The following TRAPPC9 variants were observed in gnomAD, a reference collection of about 807,000 sequenced individuals.
The protein encoded by TRAPPC9 is IKK2 binding protein.
In TRAPPC9, 83 loss-of-function variants were observed where a neutral mutation model predicts 124.0. The ratio of observed to expected loss-of-function variants is 0.67; its 90% confidence interval spans 0.56 to 0.80. The LOEUF (loss-of-function observed/expected upper bound fraction) is 0.80. TRAPPC9 is among the 30% of genes least tolerant of loss of function. The pLI, the probability that TRAPPC9 is intolerant of heterozygous loss-of-function variation, is 0.00. For synonymous variants in TRAPPC9, 638 were observed against 617.5 expected (o/e 1.03, Z -0.49); for missense variants, 1,302 against 1,508.3 (o/e 0.86, Z 2.27).
upstream of TRAPPC9, chr8:140,458,237 G>A (rs751035660): frequency 1.3e-6 from 2 of 1,551,044 alleles, no homozygotes; most frequent in South Asian, 1.2e-5. Context: ...TGCACCTGGG[G>A]CGGCGCAGCT....
At chr8:139,852,091 G>A (rs1039469346) in intron 21 of TRAPPC9, among the ~76,000 whole-genome samples, 16 of 152,144 alleles carry the variant, frequency 1.1e-4, no homozygotes, top group African/African-American at 3.1e-4. Flanking sequence ...TAGTGAGTAC[G>A]TCTCATGAGA....
intron 18 of TRAPPC9, among the ~76,000 whole-genome samples, chr8:139,989,236 T>G (rs1450324471): frequency 6.6e-6 from 1 of 152,232 alleles, no homozygotes; most frequent in Non-Finnish European, 1.5e-5. Flanking sequence ...TCAAGGATGC[T>G]GTGTCCAAGC....
chr8:140,059,008 T>C (rs1232036877), intron 17 of TRAPPC9, among the ~76,000 whole-genome samples: 2 of 152,198 alleles, frequency 1.3e-5, no homozygotes, highest in Non-Finnish European at 2.9e-5. Context: ...CAATAAAACA[T>C]ACATATTTAA....
chr8:139,732,209 G>C lies in TRAPPC9; in HGVS notation c.3056-7C>G. On this transcript the variant is annotated splice_region_variant and splice_polypyrimidine_tract_variant and intron_variant, in intron 21 of 22. Transcript: ENST00000438773. ...TGTCCGTCCACCAGCACATCTGTAA[G>C]GGACACGAGACTGTCGGGGGCTGGG... is the stretch of plus-strand genomic sequence containing the variant. 1 of 1,579,262 alleles carries C rather than the reference G, an allele frequency of 6.3e-7. No homozygotes were observed. Among genetic ancestry groups the C allele is most frequent in the Non-Finnish European group, 8.6e-7 (1 of 1,169,398 alleles).
At chr8:139,739,014 C>T (rs6578042) in intron 21 of TRAPPC9, among the ~76,000 whole-genome samples, 125,077 of 152,168 alleles carry the variant, frequency 0.82, 51,725 homozygotes, top group East Asian at 0.89. Flanking sequence ...TGAAACCCAA[C>T]GCGCCCCAGG....
intron 21 of TRAPPC9, among the ~76,000 whole-genome samples, chr8:139,800,332 A>C (rs1823396301): frequency 6.6e-6 from 1 of 152,244 alleles, no homozygotes; most frequent in African/African-American, 2.4e-5. Flanking sequence ...GAAGTGGGTG[A>C]CCAGAGCTGC....
chr8:140,206,158 A>T (rs2062912582), intron 17 of TRAPPC9, among the ~76,000 whole-genome samples: 1 of 152,218 alleles, frequency 6.6e-6, no homozygotes, highest in Non-Finnish European at 1.5e-5. Flanking sequence ...AAATATGATC[A>T]TCTCAAAAGA....
chr8:140,445,080 AT>A (rs1259558745), intron 2 of TRAPPC9, among the ~76,000 whole-genome samples: 3 of 151,890 alleles, frequency 2.0e-5, no homozygotes, highest in African/African-American at 4.8e-5. Context: ...CTCACATCCG[AT>A]TGCCTCTTTA....
chr8:139,947,907 T>TATATATATAGAGAGAGAGAGAG, intron 19 of TRAPPC9, among the ~76,000 whole-genome samples: 5 of 60,378 alleles, frequency 8.3e-5, no homozygotes, highest in Admixed American at 5.9e-4. Context: ...TATATATATA[T>TATATATATAGAGAGAGAGAGAG]AGAGAGAGAG....
At chr8:140,160,833 GAA>G (rs34261188) in intron 17 of TRAPPC9, among the ~76,000 whole-genome samples, 24 of 146,866 alleles carry the variant, frequency 1.6e-4, no homozygotes, top group Admixed American at 2.7e-4. Flanking sequence ...GAAGATTCCT[GAA>G]AAAAAAAAAG....
intron 17 of TRAPPC9, among the ~76,000 whole-genome samples, chr8:140,186,771 GA>G (rs1222585073): frequency 1.3e-5 from 2 of 152,198 alleles, no homozygotes; most frequent in East Asian, 3.9e-4. Context: ...GTGTGAGTGG[GA>G]ATGTACAGCT....
chr8:140,111,171 C>A (rs1287859096), intron 17 of TRAPPC9, among the ~76,000 whole-genome samples: 1 of 150,124 alleles, frequency 6.7e-6, no homozygotes, highest in South Asian at 2.1e-4. Context: ...CCTGTGGGGA[C>A]CCTGACTGAT....
At chr8:140,140,106 G>A (rs1335756966) in intron 17 of TRAPPC9, among the ~76,000 whole-genome samples, 1 of 152,178 alleles carries the variant, frequency 6.6e-6, no homozygotes, top group Non-Finnish European at 1.5e-5. Context: ...GGCAAGTGCA[G>A]GGGTGAGCAC....
intron 6 of TRAPPC9, among the ~76,000 whole-genome samples, chr8:140,403,420 C>T (rs2069351315): frequency 6.8e-6 from 1 of 148,040 alleles, no homozygotes; most frequent in African/African-American, 2.5e-5. Flanking sequence ...CAGAGCGAGA[C>T]TCTGTCTCCA....
chr8:139,772,534 C>T (rs566051378), intron 21 of TRAPPC9, among the ~76,000 whole-genome samples: 7 of 152,314 alleles, frequency 4.6e-5, no homozygotes, highest in East Asian at 1.9e-4. Flanking sequence ...CGTCTGCCTT[C>T]GGGGTGCACA....
chr8:140,441,549 G>T (rs1012976642), intron 2 of TRAPPC9, among the ~76,000 whole-genome samples: 1 of 152,128 alleles, frequency 6.6e-6, no homozygotes, highest in African/African-American at 2.4e-5. Flanking sequence ...GGTCAGGCAT[G>T]GTGGCTCATA....
chr8:139,856,099 G>A (rs982766306), intron 21 of TRAPPC9, among the ~76,000 whole-genome samples: 17 of 152,252 alleles, frequency 1.1e-4, no homozygotes, highest in Admixed American at 7.8e-4. Context: ...CCGAGGCAAC[G>A]CACACAGCCA....
chr8:140,015,512 G>C (rs889385969), intron 18 of TRAPPC9, among the ~76,000 whole-genome samples: 3 of 152,184 alleles, frequency 2.0e-5, no homozygotes, highest in Non-Finnish European at 2.9e-5. Flanking sequence ...AATTTACACA[G>C]GTCCCTATTA....
At position 140,101,552 on chromosome 8, in the gene TRAPPC9, T is replaced by G. The variant is rs955821696; in HGVS notation, c.2557-77473A>C. ...GTTTTCTTTTTTTTGTTTTTTTTTT[T>G]TTTTTTTGAGACGTAGTTTTGGTCT... On this transcript the variant is annotated intron_variant, in intron 17 of 22. Transcript: ENST00000438773. Among the ~76,000 whole-genome samples the G allele has an allele frequency of 6.3e-5, 9 of 141,900 alleles. 1 individual carries two copies. Among genetic ancestry groups the G allele is most frequent in the Non-Finnish European group, 1.2e-4 (8 of 65,530 alleles). The allele number at this position is 141,900 out of a possible 152,430, so 93.1% of individuals were successfully genotyped here.
Sources: gnomAD v4.1 joint callset for allele counts (sites outside exome capture counted in the v4.1 genomes callset) on GRCh38, gnomAD v4.1.1 for gene constraint, MANE v1.5 for transcripts, NCBI Gene and HGNC (gene_info 2026-07-23, HGNC 2026-07-21) for gene names.